Variants in AGBL1 observed in about 807,000 individuals in gnomAD.
AGBL1 encodes cytosolic carboxypeptidase 4.
In AGBL1, 130 loss-of-function variants were observed where a neutral mutation model predicts 118.9. That is an observed-to-expected ratio of 1.09 (90% CI 0.95 to 1.26). The LOEUF is 1.26. AGBL1 is among the 50% of genes most tolerant of loss of function. The pLI, the probability that AGBL1 is intolerant of heterozygous loss-of-function variation, is 0.00. For missense variants in AGBL1, 1,584 were observed against 1,298.1 expected, an observed-to-expected ratio of 1.22 and a Z score of -3.38; for synonymous variants, 555 against 478.9, an observed-to-expected ratio of 1.16 and a Z score of -2.08.
chr15:86,147,748 A>C (rs1447980284), intron 3 of AGBL1, among the ~76,000 whole-genome samples: 1 of 152,174 alleles, frequency 6.6e-6, no homozygotes, highest in Non-Finnish European at 1.5e-5. Context: ...CTCTGAAGAG[A>C]GCAATGGTTC....
intron 17 of AGBL1, among the ~76,000 whole-genome samples, chr15:86,303,861 G>A (rs2079794408): frequency 6.6e-6 from 1 of 152,072 alleles, no homozygotes; most frequent in South Asian, 2.1e-4. Flanking sequence ...CAACAGCCCT[G>A]TGAGGTAAGA....
chr15:86,697,289 A>C (rs1416320500), intron 22 of AGBL1, among the ~76,000 whole-genome samples: 1 of 151,758 alleles, frequency 6.6e-6, no homozygotes, highest in African/African-American at 2.4e-5. Context: ...TAGTTTGTTC[A>C]TTTTGAAATC....
intron 24 of AGBL1, among the ~76,000 whole-genome samples, chr15:86,996,854 A>T (rs1318578894): frequency 2.0e-5 from 3 of 152,190 alleles, no homozygotes; most frequent in Non-Finnish European, 4.4e-5. Context: ...TTTGGAGTTC[A>T]TCACCATTAA....
chr15:86,699,458 G>A (rs1475640056), intron 22 of AGBL1, among the ~76,000 whole-genome samples: 2 of 152,036 alleles, frequency 1.3e-5, no homozygotes, highest in Non-Finnish European at 2.9e-5. Context: ...CTTGGCTACA[G>A]GATCCAGTCA....
intron 23 of AGBL1, among the ~76,000 whole-genome samples, chr15:86,977,391 G>A (rs1567269150): frequency 1.4e-5 from 2 of 144,084 alleles, no homozygotes; most frequent in African/African-American, 5.1e-5. Flanking sequence ...CTTTATTAAA[G>A]TTTTTTTTTT....
rs1483301154 is a variant in AGBL1 at position 86,674,231 on chromosome 15, C to G, written c.2995-42C>G. ...ATTTCAAAGTGTCACCACTCAGCTC[C>G]CATTATACGTTGCCACAGTTAATGC... On this transcript the variant is annotated intron_variant, in intron 21 of 22. Coordinates refer to ENST00000614907, the MANE Select transcript of AGBL1 (RefSeq NM_001386094.1). 1.9e-6 allele frequency: 3 copies of G among 1,563,474 alleles called. No individual in the cohort carries two copies. In the African/African-American group the frequency reaches 4.0e-5, roughly 21 times the overall value.
intron 22 of AGBL1, among the ~76,000 whole-genome samples, chr15:86,701,799 C>A (rs1463550852): frequency 2.0e-5 from 3 of 149,572 alleles, no homozygotes; most frequent in Non-Finnish European, 4.5e-5. Context: ...CTCCTTCCTT[C>A]CCTCCTTTCT....
Position 86,674,309 on chromosome 15 carries a change from G to A in AGBL1, c.3031G>A (p.Gly1011Arg), listed in dbSNP as rs372345011. Reference sequence around the variant, plus strand: ...TGGTACCAGAGAACTGGAGGAGATGGGAGCCATGTTCTGTTTGGGCCTCCT... The same window carrying A: ...TGGTACCAGAGAACTGGAGGAGATGAGAGCCATGTTCTGTTTGGGCCTCCT... ...QFGTRELEEM[G>R]AMFCLGLLIL... The change falls in exon 22 of 23, where the codon GGA becomes AGA. Residue 1011 changes from glycine to arginine, a missense_variant. Transcript: ENST00000614907. 6.2e-7 allele frequency: 1 copy of A among 1,611,890 alleles called. No homozygotes were observed. The highest frequency in any genetic ancestry group is 8.5e-7 in the Non-Finnish European group (1 of 1,179,030).
intron 23 of AGBL1, among the ~76,000 whole-genome samples, chr15:86,931,668 T>A (rs2080607111): frequency 6.6e-6 from 1 of 152,070 alleles, no homozygotes; most frequent in Non-Finnish European, 1.5e-5. Context: ...TTTGATACGT[T>A]TCTGAAATTT....
intron 17 of AGBL1, among the ~76,000 whole-genome samples, chr15:86,329,631 A>T (rs2080239916): frequency 6.6e-6 from 1 of 151,518 alleles, no homozygotes; most frequent in Admixed American, 6.6e-5. Context: ...CTGGACATAG[A>T]TCATGGTGCA....
chr15:86,239,068 A>G (rs1444317728), intron 6 of AGBL1, among the ~76,000 whole-genome samples: 1 of 152,236 alleles, frequency 6.6e-6, no homozygotes, highest in Non-Finnish European at 1.5e-5. Flanking sequence ...TACTGAAAGT[A>G]GAGAAATTCC....
rs2082372173 is a variant in AGBL1, at chr15:86,464,405, TCTC to T, written c.2556-58399_2556-58397del. Among the ~76,000 whole-genome samples the T allele has an allele frequency of 2.0e-5, 3 of 152,332 alleles. No individual in the cohort carries two copies. In the South Asian group the frequency reaches 6.2e-4, roughly 32 times the overall value. ...TGCAAACAGAAATAATTTGACTTCC[TCTC>T]CTCCTGTTTGAATACCCCTTATTTC... On this transcript the variant is annotated intron_variant, in intron 18 of 22. Coordinates refer to ENST00000614907, the MANE Select transcript of AGBL1 (RefSeq NM_001386094.1).
In AGBL1 at chr15:86,154,474, G is replaced by T. The variant is rs1022416065; in HGVS notation, c.307G>T (p.Val103Leu). ...RKALELEALDVTLILARKNLS... is the reference protein window; with the variant it reads ...RKALELEALDLTLILARKNLS... ...GGCCCTAGAATTGGAAGCACTTGAT[G>T]TGACATTGATTCTGGCCAGGAAGAA... Residue 103 changes from valine to leucine, a missense_variant, in exon 4 of 23, where the codon GTG (valine) becomes TTG (leucine). Transcript: ENST00000614907. 1.6e-5 allele frequency: 26 copies of T among 1,612,952 alleles called. No homozygotes were observed. Among genetic ancestry groups the T allele is most frequent in the Non-Finnish European group, 2.2e-5 (26 of 1,179,536 alleles).
intron 19 of AGBL1, among the ~76,000 whole-genome samples, chr15:86,533,599 A>G (rs1204517500): frequency 7.2e-6 from 1 of 139,736 alleles, no homozygotes; most frequent in African/African-American, 2.9e-5. Flanking sequence ...GGACCCAGCC[A>G]TCCCATTACT....
At chr15:86,955,470 T>A (rs1189662293) in intron 23 of AGBL1, among the ~76,000 whole-genome samples, 3 of 151,394 alleles carry the variant, frequency 2.0e-5, no homozygotes, top group Admixed American at 6.6e-5. Flanking sequence ...TGAGTAAATT[T>A]AAAAAAAGAA....
intron 22 of AGBL1, among the ~76,000 whole-genome samples, chr15:86,889,492 T>C (rs2080019651): frequency 1.3e-5 from 2 of 152,238 alleles, no homozygotes; most frequent in South Asian, 4.1e-4. Context: ...ACCTATCACC[T>C]AGGTATTAAG....
chr15:86,228,662 G>A (rs962232237), intron 6 of AGBL1, among the ~76,000 whole-genome samples: 6 of 152,180 alleles, frequency 3.9e-5, no homozygotes, highest in Admixed American at 1.3e-4. Context: ...ACCACAGAAA[G>A]CAAGGGAAAG....
At chr15:86,692,125 C>G (rs1283956964) in intron 22 of AGBL1, among the ~76,000 whole-genome samples, 2 of 151,916 alleles carry the variant, frequency 1.3e-5, no homozygotes, top group Non-Finnish European at 2.9e-5. Context: ...TTGCAGTGAG[C>G]TGACATTGCA....
At chr15:86,500,534 A>C (rs908418299) in intron 18 of AGBL1, among the ~76,000 whole-genome samples, 1 of 151,492 alleles carries the variant, frequency 6.6e-6, no homozygotes, top group Non-Finnish European at 1.5e-5. Flanking sequence ...TACCATTGCT[A>C]TTCAGTTATT....
Sources: gnomAD v4.1 joint callset for allele counts (sites outside exome capture counted in the v4.1 genomes callset) on GRCh38, gnomAD v4.1.1 for gene constraint, MANE v1.5 for transcripts, NCBI Gene and HGNC (gene_info 2026-07-23, HGNC 2026-07-21) for gene names.